Variants in NDST4 observed in about 807,000 individuals in gnomAD.
NDST4 encodes N-deacetylase and N-sulfotransferase 4, also known as N-heparan sulfate sulfotransferase 4.
Under a neutral mutation model 100.8 loss-of-function variants are expected in NDST4, and 63 were observed. The ratio of observed to expected loss-of-function variants is 0.62; its 90% CI spans 0.51 to 0.77. NDST4 has a LOEUF of 0.77. Ranked by LOEUF, NDST4 falls within the 30% of genes least tolerant of loss-of-function variation. The probability of loss-of-function intolerance (pLI) is 0.00; values close to 1 mark genes in which losing one functional copy is unlikely to be tolerated. For synonymous variants in NDST4, 377 were observed against 361.8 expected, an observed-to-expected ratio of 1.04 and a Z score of -0.48; for missense variants, 943 against 1,018.4, an observed-to-expected ratio of 0.93 and a Z score of 1.01.
intron 2 of NDST4, among the ~76,000 whole-genome samples, chr4:114,992,859 C>T (rs1489388717): frequency 4.0e-5 from 6 of 151,780 alleles, no homozygotes; most frequent in Non-Finnish European, 8.9e-5. Flanking sequence ...CTTTACATTT[C>T]CTATGAGAAC....
chr4:115,005,523 G>C (rs1037257121), intron 2 of NDST4, among the ~76,000 whole-genome samples: 4 of 152,122 alleles, frequency 2.6e-5, no homozygotes, highest in Admixed American at 6.6e-5. Context: ...CACATGGTTG[G>C]GGAGAAGAGA....
intron 2 of NDST4, among the ~76,000 whole-genome samples, chr4:115,030,829 G>A (rs1407352848): frequency 1.3e-5 from 2 of 152,050 alleles, no homozygotes; most frequent in Admixed American, 6.6e-5. Flanking sequence ...ATGTTCTATC[G>A]AGAATAGTGT....
chr4:114,986,160 T>G (rs1365718873), intron 2 of NDST4, among the ~76,000 whole-genome samples: 3 of 152,210 alleles, frequency 2.0e-5, no homozygotes, highest in African/African-American at 7.2e-5. Flanking sequence ...TTTGACCTTA[T>G]AAAATAATAT....
chr4:115,072,726 T>C (rs1468275748), intron 2 of NDST4, among the ~76,000 whole-genome samples: 2 of 151,958 alleles, frequency 1.3e-5, no homozygotes, highest in East Asian at 1.9e-4. Context: ...TCTAAGCCCA[T>C]AAAATGACTA....
At chr4:115,052,756 T>C (rs1407748550) in intron 2 of NDST4, among the ~76,000 whole-genome samples, 1 of 152,174 alleles carries the variant, frequency 6.6e-6, no homozygotes, top group African/African-American at 2.4e-5. Context: ...AACAGACTAA[T>C]ACAACTCACT....
At chr4:114,964,691 G>A (rs1414437638) in intron 4 of NDST4, among the ~76,000 whole-genome samples, 2 of 152,060 alleles carry the variant, frequency 1.3e-5, no homozygotes, top group African/African-American at 4.8e-5. Context: ...AATGTTGTAT[G>A]GCAGATCTCT....
At chr4:115,028,209 A>G (rs1369435774) in intron 2 of NDST4, among the ~76,000 whole-genome samples, 5 of 152,142 alleles carry the variant, frequency 3.3e-5, no homozygotes, top group Non-Finnish European at 7.4e-5. Flanking sequence ...AGATGTTGGA[A>G]GTGATGGAGA....
chr4:114,870,990 C>T (rs766776070), intron 6 of NDST4, 40 bp from the exon 7 acceptor site: 3 of 1,534,988 alleles, frequency 2.0e-6, no homozygotes, highest in African/African-American at 2.8e-5. Context: ...ATATCATATG[C>T]TTAAGCTTAA....
chr4:114,937,005 A>C (rs558254278), intron 5 of NDST4, among the ~76,000 whole-genome samples: 1 of 152,326 alleles, frequency 6.6e-6, no homozygotes, highest in African/African-American at 2.4e-5. Context: ...AGATAATGAG[A>C]AATTTCCTAG....
chr4:115,057,985 T>C (rs1161034716), intron 2 of NDST4, among the ~76,000 whole-genome samples: 1 of 152,148 alleles, frequency 6.6e-6, no homozygotes, highest in Non-Finnish European at 1.5e-5. Context: ...CATGTGTATA[T>C]GTATATATGT....
intron 2 of NDST4, among the ~76,000 whole-genome samples, chr4:115,023,754 A>G (rs796087298): frequency 4.6e-5 from 7 of 152,276 alleles, no homozygotes; most frequent in African/African-American, 1.7e-4. Flanking sequence ...TCGTATGGAC[A>G]AAAGGTATCA....
chr4:115,089,291 A>G (rs1729467871), intron 1 of NDST4, among the ~76,000 whole-genome samples: 1 of 152,008 alleles, frequency 6.6e-6, no homozygotes, highest in Non-Finnish European at 1.5e-5. Flanking sequence ...AGGATGCTCA[A>G]CAAAATATTG....
intron 6 of NDST4, among the ~76,000 whole-genome samples, chr4:114,889,832 C>G (rs1408560621): frequency 6.6e-6 from 1 of 152,028 alleles, no homozygotes; most frequent in South Asian, 2.1e-4. Context: ...TTTATTTTCC[C>G]AGAGCCTCAG....
intron 1 of NDST4, among the ~76,000 whole-genome samples, chr4:115,084,682 G>A (rs1028485388): frequency 6.6e-6 from 1 of 152,216 alleles, no homozygotes; most frequent in Non-Finnish European, 1.5e-5. Flanking sequence ...CAAGCCCCAA[G>A]CCTTGGTGGC....
chr4:114,981,745 G>A (rs573050278), intron 2 of NDST4, among the ~76,000 whole-genome samples: 2 of 152,170 alleles, frequency 1.3e-5, no homozygotes, highest in East Asian at 3.9e-4. Context: ...TAAATCATTT[G>A]GATATTAGGT....
chr4:115,012,071 G>A (rs1051538167), intron 2 of NDST4, among the ~76,000 whole-genome samples: 2 of 151,702 alleles, frequency 1.3e-5, no homozygotes, highest in African/African-American at 2.4e-5. Flanking sequence ...ATGAGTACTA[G>A]GGTCTTAGAG....
At chr4:114,952,377 A>T (rs913761390) in intron 4 of NDST4, among the ~76,000 whole-genome samples, 2 of 152,042 alleles carry the variant, frequency 1.3e-5, no homozygotes, top group African/African-American at 4.8e-5. Flanking sequence ...GAAAAAAGCT[A>T]TTTGGTGGGT....
chr4:114,861,263 C>T (rs1427233458), intron 7 of NDST4, among the ~76,000 whole-genome samples: 4 of 152,274 alleles, frequency 2.6e-5, no homozygotes, highest in African/African-American at 7.2e-5. Context: ...GGGAGACTGC[C>T]TGTGCATTAA....
intron 7 of NDST4, among the ~76,000 whole-genome samples, chr4:114,869,277 G>A (rs992553609): frequency 6.6e-6 from 1 of 151,544 alleles, no homozygotes; most frequent in Non-Finnish European, 1.5e-5. Flanking sequence ...TTTTTCTACA[G>A]ATAGAGGAAG....
Sources: gnomAD v4.1 joint callset for allele counts (sites outside exome capture counted in the v4.1 genomes callset) on GRCh38, gnomAD v4.1.1 for gene constraint, MANE v1.5 for transcripts, NCBI Gene and HGNC (gene_info 2026-07-23, HGNC 2026-07-21) for gene names.